Variants in SAMSN1 observed in about 807,000 individuals in gnomAD.
SAMSN1 encodes SAM domain-containing protein SAMSN-1.
In SAMSN1, 31 loss-of-function variants were observed where a neutral mutation model predicts 42.0. That is an observed-to-expected ratio of 0.74 (90% CI 0.55 to 1.00). The LOEUF (loss-of-function observed/expected upper bound fraction) is 1.00. Among genes scored for constraint, SAMSN1 ranks in the 50% least tolerant of loss-of-function variants. The pLI is 0.00. For missense variants in SAMSN1, 464 were observed against 439.4 expected (o/e 1.06, Z -0.50); for synonymous variants, 178 against 151.9 (o/e 1.17, Z -1.26).
rs767026878 is a variant in SAMSN1, at chr21:14,500,716, A to G, written c.581T>C (p.Ile194Thr). 5 of 1,613,564 alleles carry G rather than the reference A, an allele frequency of 3.1e-6. 1 individual carries two copies. In the Admixed American group the frequency reaches 8.3e-5, roughly 27 times the overall value. Residue 194 changes from isoleucine to threonine, a missense_variant, in exon 6 of 8, where the codon ATT becomes ACT. By Grantham distance (89) the Ile-to-Thr change is moderately conservative. Coordinates refer to ENST00000400566, the MANE Select transcript of SAMSN1 (RefSeq NM_022136.5). ...LKIKKGDIID[I>T]ICKTPMGMWT... ...CATCCCCATTGGTGTTTTGCAAATA[A>G]TGTCTATGATGTCTCCTTTCTAAGG... is the stretch of plus-strand genomic sequence containing the variant.
In SAMSN1 at chr21:14,577,284, A is replaced by ATATAT. The variant is rs1460040142; in HGVS notation, c.261+4851_261+4852insATATA. ...TATATATATATATATATATATATATATTTTTTTTTTAGAAGAGACAGGGTT... is the reference window on the plus strand; with the variant it reads ...TATATATATATATATATATATATATATATATTTTTTTTTTTAGAAGAGACAGGGTT... On this transcript the variant is annotated intron_variant, in intron 2 of 8. Coordinates refer to the SAMSN1 transcript ENST00000285670. Among the ~76,000 whole-genome samples, 104 of 53,810 alleles carry ATATAT rather than the reference A, an allele frequency of 1.9e-3. 1 individual carries two copies. The highest frequency in any genetic ancestry group is 2.9e-3 in the Non-Finnish European group (85 of 29,528). The allele number at this position is 53,810 out of a possible 152,430, so 35.3% of individuals were successfully genotyped here.
At chr21:14,561,048 G>A (rs1048238587) in intron 2 of SAMSN1, among the ~76,000 whole-genome samples, 1 of 152,110 alleles carries the variant, frequency 6.6e-6, no homozygotes, top group African/African-American at 2.4e-5. Flanking sequence ...CTGCTCAGGG[G>A]TCATGTAGCC....
chr21:14,523,105 T>C (rs1978599015), intron 1 of SAMSN1, among the ~76,000 whole-genome samples: 1 of 152,204 alleles, frequency 6.6e-6, no homozygotes, highest in Non-Finnish European at 1.5e-5. Flanking sequence ...TGGAGAAAAC[T>C]GTTTTTGGAG....
chr21:14,581,344 C>CCTTTTTT (rs1981714672), intron 2 of SAMSN1, among the ~76,000 whole-genome samples: 3 of 32,588 alleles, frequency 9.2e-5, no homozygotes, highest in Non-Finnish European at 1.7e-4. Flanking sequence ...AATAATATTT[C>CCTTTTTT]TTTTTTTTTT....
rs186186052 is a variant in SAMSN1 at position 14,485,475 on chromosome 21, T to C, written c.*437A>G. 375 of 156,438 alleles carry C rather than the reference T, an allele frequency of 2.4e-3. 4 individuals carry two copies. In the South Asian group the frequency reaches 0.03, roughly 12 times the overall value. 9.7% of individuals were successfully genotyped at this position (156,438 alleles called of 1,614,324 possible). A position where few individuals can be genotyped will look rare whatever the true frequency, so the allele number is the denominator to read the frequency against. ...TATTAACTCACACTTTCCCAATAAG[T>C]ATAAAAATGAATATAACATTGCTTG... On this transcript the variant is annotated 3_prime_UTR_variant, in exon 8 of 8. Coordinates refer to ENST00000400566, the MANE Select transcript of SAMSN1 (RefSeq NM_022136.5).
chr21:14,658,188 GTAA>G (rs1983946092), intron 1 of SAMSN1, among the ~76,000 whole-genome samples: 1 of 151,814 alleles, frequency 6.6e-6, no homozygotes, highest in Non-Finnish European at 1.5e-5. Flanking sequence ...GGAAAAAAAA[GTAA>G]TAATGTGAAA....
chr21:14,494,042 T>C (rs1986806827), intron 7 of SAMSN1, among the ~76,000 whole-genome samples: 1 of 152,122 alleles, frequency 6.6e-6, no homozygotes, highest in Non-Finnish European at 1.5e-5. Context: ...ATCAGGATCA[T>C]TAAAAAGTCA....
intron 3 of SAMSN1, 146 bp from the exon 4 acceptor site, chr21:14,512,719 G>C (rs930138493): frequency 1.5e-6 from 1 of 687,540 alleles, no homozygotes; most frequent in South Asian, 2.6e-5. Flanking sequence ...TTCATCTTCA[G>C]TTCAATTTCT....
At chr21:14,649,347 G>A (rs1057356265) in intron 1 of SAMSN1, among the ~76,000 whole-genome samples, 24 of 151,396 alleles carry the variant, frequency 1.6e-4, no homozygotes, top group East Asian at 9.8e-4. Context: ...TGGGTGCAGC[G>A]CACCAGCATG....
At chr21:14,505,442 T>A (rs1349051107) in intron 5 of SAMSN1, among the ~76,000 whole-genome samples, 1 of 152,200 alleles carries the variant, frequency 6.6e-6, no homozygotes, top group African/African-American at 2.4e-5. Context: ...TGAGCAGGAA[T>A]AGTTACTGTT....
At chr21:14,584,413 G>T (rs1403924988), upstream of SAMSN1, among the ~76,000 whole-genome samples, 2 of 152,104 alleles carry the variant, frequency 1.3e-5, no homozygotes, top group African/African-American at 4.8e-5. Context: ...ACAAAATATG[G>T]ACAAAATATA....
intron 2 of SAMSN1, among the ~76,000 whole-genome samples, chr21:14,560,526 T>C (rs1046206974): frequency 2.6e-5 from 4 of 152,198 alleles, no homozygotes; most frequent in African/African-American, 7.2e-5. Flanking sequence ...AGCTCTAATA[T>C]AACATTTTGG....
At chr21:14,537,820 T>C (rs549834160) in intron 1 of SAMSN1, among the ~76,000 whole-genome samples, 121 of 152,206 alleles carry the variant, frequency 7.9e-4, no homozygotes, top group Non-Finnish European at 1.6e-3. Flanking sequence ...GAGTATCTTG[T>C]TAAAATGTAT....
intron 1 of SAMSN1, among the ~76,000 whole-genome samples, chr21:14,654,066 A>G (rs1983876912): frequency 6.6e-6 from 1 of 152,046 alleles, no homozygotes; most frequent in East Asian, 1.9e-4. Context: ...GTAATGTATT[A>G]TAACTTCTTT....
intron 2 of SAMSN1, among the ~76,000 whole-genome samples, chr21:14,563,188 T>C (rs1328226284): frequency 1.3e-5 from 2 of 152,198 alleles, no homozygotes; most frequent in African/African-American, 4.8e-5. Flanking sequence ...ACACAACATG[T>C]CTTTGCATAT....
chr21:14,516,490 C>T (rs1040592257), intron 3 of SAMSN1, among the ~76,000 whole-genome samples: 1 of 152,142 alleles, frequency 6.6e-6, no homozygotes, highest in Non-Finnish European at 1.5e-5. Context: ...CTCCCGGGTT[C>T]AAGCGATTCT....
At chr21:14,510,019 G>A (rs1465406303) in intron 5 of SAMSN1, among the ~76,000 whole-genome samples, 1 of 151,864 alleles carries the variant, frequency 6.6e-6, no homozygotes, top group African/African-American at 2.4e-5. Flanking sequence ...GGCGCCTGTA[G>A]TCCCAGCTAC....
At chr21:14,550,510 G>T (rs1980561590), upstream of SAMSN1, among the ~76,000 whole-genome samples, 1 of 152,064 alleles carries the variant, frequency 6.6e-6, no homozygotes, top group East Asian at 1.9e-4. Context: ...TTTCCAACAA[G>T]ACGTGAAATC....
At chr21:14,528,276 A>C (rs914909669) in intron 1 of SAMSN1, among the ~76,000 whole-genome samples, 4 of 152,168 alleles carry the variant, frequency 2.6e-5, no homozygotes, top group Non-Finnish European at 5.9e-5. Flanking sequence ...TTCTCTAACT[A>C]ATAAGCCCAT....
Sources: gnomAD v4.1 joint callset for allele counts (sites outside exome capture counted in the v4.1 genomes callset) on GRCh38, gnomAD v4.1.1 for gene constraint, MANE v1.5 for transcripts, NCBI Gene and HGNC (gene_info 2026-07-23, HGNC 2026-07-21) for gene names.